ANKRD18B: variants seen among roughly 807,000 people sequenced by gnomAD.
ANKRD18B encodes the protein ankyrin repeat domain 18B, also known as ankyrin repeat domain-containing protein 18B.
In ANKRD18B, 75 loss-of-function variants were observed where a neutral mutation model predicts 111.8. The observed-to-expected ratio is 0.67, with a 90% confidence interval of 0.56 to 0.81. The LOEUF (loss-of-function observed/expected upper bound fraction) is 0.81, where lower values mean the gene tolerates loss of function less well. Ranked by LOEUF, ANKRD18B falls within the 40% of genes least tolerant of loss-of-function variation. ANKRD18B has a pLI of 0.00. For synonymous variants in ANKRD18B, 356 were observed against 417.3 expected, an observed-to-expected ratio of 0.85 and a Z score of 1.79; for missense variants, 1,038 against 1,225.5, an observed-to-expected ratio of 0.85 and a Z score of 2.28.
chr9:33,575,176 A>T (rs1828843857), downstream of ANKRD18B, among the ~76,000 whole-genome samples: 1 of 152,110 alleles, frequency 6.6e-6, no homozygotes, highest in Admixed American at 6.5e-5. Context: ...CAGCAATTCC[A>T]TTCTGCATCT....
intron 16 of ANKRD18B, among the ~76,000 whole-genome samples, chr9:33,568,456 A>G (rs1408772095): frequency 1.3e-5 from 2 of 152,252 alleles, no homozygotes; most frequent in African/African-American, 4.8e-5. Flanking sequence ...CTGCTTGTTC[A>G]GTAGAAATCA....
At chr9:33,525,686 CCT>C (rs1239646738) in intron 1 of ANKRD18B, among the ~76,000 whole-genome samples, 2 of 151,338 alleles carry the variant, frequency 1.3e-5, no homozygotes, top group Non-Finnish European at 2.9e-5. Flanking sequence ...ATTAAAATCC[CCT>C]GTGTATCAGA....
intron 3 of ANKRD18B, among the ~76,000 whole-genome samples, chr9:33,533,015 A>G (rs905619492): frequency 3.3e-5 from 5 of 152,310 alleles, no homozygotes; most frequent in Non-Finnish European, 7.4e-5. Flanking sequence ...ACACTTCTCT[A>G]GAGGTAATAA....
chr9:33,541,453 T>TTGCTC (rs1828278376), intron 9 of ANKRD18B, among the ~76,000 whole-genome samples: 1 of 152,118 alleles, frequency 6.6e-6, no homozygotes, highest in Non-Finnish European at 1.5e-5. Flanking sequence ...CTGTAATGAG[T>TTGCTC]CAGTGTTGGA....
rs1406092078 is a variant in ANKRD18B at position 33,572,689 on chromosome 9, T to C, written c.*255T>C. Reference sequence around the variant, plus strand: ...TTTAAACAGCCAAACAACCAAGTCATCATTGATACTGTAGTAAAGGTCATC... The same window carrying C: ...TTTAAACAGCCAAACAACCAAGTCACCATTGATACTGTAGTAAAGGTCATC... On this transcript the variant is annotated 3_prime_UTR_variant, in exon 19 of 19. Coordinates refer to ENST00000684830, the MANE Select transcript of ANKRD18B (RefSeq NM_001393611.1). 8.2e-6 allele frequency: 9 copies of C among 1,100,344 alleles called. No individual in the cohort carries two copies. Among genetic ancestry groups the C allele is most frequent in the Non-Finnish European group, 1.0e-5 (9 of 903,054 alleles). The allele number at this position is 1,100,344 out of a possible 1,614,324, so 68.2% of individuals were successfully genotyped here.
At chr9:33,564,211 C>T (rs1171776820) in intron 14 of ANKRD18B, among the ~76,000 whole-genome samples, 3 of 152,188 alleles carry the variant, frequency 2.0e-5, no homozygotes, top group Middle Eastern at 3.2e-3. Flanking sequence ...TCTCCTGCCT[C>T]GGTCTTTCAA....
At chr9:33,538,243 C>G (rs1271935226) in intron 6 of ANKRD18B, among the ~76,000 whole-genome samples, 2 of 152,178 alleles carry the variant, frequency 1.3e-5, no homozygotes, top group Non-Finnish European at 2.9e-5. Flanking sequence ...TTGAAGATAG[C>G]TACTGAATGC....
rs1275569056 is a variant in ANKRD18B at position 33,548,019 on chromosome 9, G to C, written c.1231G>C (p.Glu411Gln). ...GAGAGACATTGCCATGCTCAAAGAG[G>C]AATTATATGCAATAAAAAATGACAG... ...LKRDIAMLKE[E>Q]LYAIKNDSLR... The change falls in exon 11 of 19, where the codon GAA becomes CAA. Residue 411 changes from glutamate to glutamine, a missense_variant. Glu to Gln is a conservative substitution (Grantham distance 29). Around this residue, in one of 4 missense-constraint regions of ANKRD18B, gnomAD observed 205 missense variants for 201.3 expected, o/e 1.02. Coordinates refer to ENST00000684830, the MANE Select transcript of ANKRD18B (RefSeq NM_001393611.1). 7.9e-6 allele frequency: 12 copies of C among 1,520,012 alleles called. No individual in the cohort carries two copies. In the South Asian group the frequency reaches 1.6e-4, roughly 20 times the overall value. The allele number at this position is 1,520,012 out of a possible 1,614,324, so 94.2% of individuals were successfully genotyped here. A position where few individuals can be genotyped will look rare whatever the true frequency, so the allele number is the denominator to read the frequency against.
At chr9:33,554,750 C>T (rs138933853) in intron 12 of ANKRD18B, among the ~76,000 whole-genome samples, 1,586 of 152,186 alleles carry the variant, frequency 0.01, 27 homozygotes, top group African/African-American at 0.036. Context: ...TCAGACCCAG[C>T]GGACTCAACA....
At position 33,524,606 on chromosome 9, in the gene ANKRD18B, C is replaced by G; in HGVS notation, c.117C>G (p.His39Gln). The G allele has an allele frequency of 6.4e-7, 1 of 1,551,608 alleles. No individual in the cohort carries two copies. Among genetic ancestry groups the G allele is most frequent in the African/African-American group, 1.4e-5 (1 of 73,194 alleles). Reference protein sequence around the residue: ...HIRDWELRKIHRAAIKGDAAE... With the variant: ...HIRDWELRKIQRAAIKGDAAE... ...GGGACTGGGAACTGCGGAAGATCCACAGGGCGGCCATCAAGGGCGACGCCG... is the reference window on the plus strand; with the variant it reads ...GGGACTGGGAACTGCGGAAGATCCAGAGGGCGGCCATCAAGGGCGACGCCG... Residue 39 changes from histidine to glutamine, a missense_variant, in exon 1 of 19, where the codon CAC becomes CAG. His to Gln is a conservative substitution (Grantham distance 24). This residue lies in a region of ANKRD18B where 216 missense variants were observed against 205.1 expected (regional missense o/e 1.05). Transcript: ENST00000684830.
chr9:33,551,387 C>T (rs980823200), intron 12 of ANKRD18B, among the ~76,000 whole-genome samples: 1 of 152,200 alleles, frequency 6.6e-6, no homozygotes, highest in Non-Finnish European at 1.5e-5. Flanking sequence ...CATCTCTTAG[C>T]CATGACTGCA....
Position 33,533,549 on chromosome 9 carries a change from C to T in ANKRD18B, c.602+4C>T. ...ATGCCGTTGACAATTTCAAAAGGTG[C>T]AATAGTTTTTGTTTTCTGTTTTCTT... On this transcript the variant is annotated splice_donor_region_variant and intron_variant, in intron 4 of 18. Coordinates refer to ENST00000684830, the MANE Select transcript of ANKRD18B (RefSeq NM_001393611.1). 6.5e-7 allele frequency: 1 copy of T among 1,527,098 alleles called. No individual in the cohort carries two copies. 94.6% of individuals were successfully genotyped at this position (1,527,098 alleles called of 1,614,324 possible).
In ANKRD18B at chr9:33,547,955, A is replaced by C; in HGVS notation, c.1167A>C (p.Gly389=). 7.0e-7 allele frequency: 1 copy of C among 1,433,676 alleles called. No homozygotes were observed. Among genetic ancestry groups the C allele is most frequent in the Non-Finnish European group, 9.2e-7 (1 of 1,092,718 alleles). The allele number at this position is 1,433,676 out of a possible 1,614,324, so 88.8% of individuals were successfully genotyped here. A position where few individuals can be genotyped will look rare whatever the true frequency, so the allele number is the denominator to read the frequency against. ...NKQPQDSQSY[G]KKKDEMFGNF... ...TTATTTAGGATTCTCAAAGTTATGG[A>C]AAAAAGAAGGATGAGATGTTTGGAA... Residue 389 remains glycine (G), a synonymous_variant, in exon 11 of 19, where the codon GGA becomes GGC. Coordinates refer to ENST00000684830, the MANE Select transcript of ANKRD18B (RefSeq NM_001393611.1).
chr9:33,547,428 T>A (rs1828373088), intron 10 of ANKRD18B, among the ~76,000 whole-genome samples: 1 of 152,166 alleles, frequency 6.6e-6, no homozygotes, highest in Non-Finnish European at 1.5e-5. Flanking sequence ...TAAAAAATGT[T>A]GAGTCAAATC....
intron 17 of ANKRD18B, among the ~76,000 whole-genome samples, chr9:33,569,314 G>A (rs1828734640): frequency 7.3e-6 from 1 of 137,380 alleles, no homozygotes; most frequent in African/African-American, 2.8e-5. Context: ...GCCTAGGCTA[G>A]AGTGCAGTGG....
At chr9:33,539,918 G>A (rs559751375) in intron 7 of ANKRD18B, among the ~76,000 whole-genome samples, 160 bp from the exon 8 acceptor site, 4 of 149,480 alleles carry the variant, frequency 2.7e-5, no homozygotes, top group Admixed American at 1.3e-4. Flanking sequence ...TCCCTTCATG[G>A]TTGGCTACTT....
chr9:33,557,985 A>C, intron 13 of ANKRD18B, 73 bp from the exon 14 acceptor site: 1 of 1,321,170 alleles, frequency 7.6e-7, no homozygotes, highest in Non-Finnish European at 1.0e-6. Context: ...GCCATAACAT[A>C]GTATCTGTTT....
intron 8 of ANKRD18B, among the ~76,000 whole-genome samples, 174 bp downstream of exon 8, chr9:33,540,386 C>T (rs944725506): frequency 2.0e-5 from 3 of 152,182 alleles, no homozygotes; most frequent in Admixed American, 6.5e-5. Context: ...ACACCACATG[C>T]TCATTCCTAA....
intron 11 of ANKRD18B, among the ~76,000 whole-genome samples, chr9:33,549,925 C>G (rs1828422048): frequency 6.6e-6 from 1 of 152,080 alleles, no homozygotes; most frequent in Non-Finnish European, 1.5e-5. Context: ...TACAAAGATA[C>G]TTTTAGCTGT....
Sources: allele counts gnomAD v4.1 joint callset (sites outside exome capture counted in the v4.1 genomes callset), GRCh38; gene constraint gnomAD v4.1.1; regional missense constraint gnomAD v4.1.1; transcripts MANE v1.5; gene names NCBI Gene and HGNC (gene_info 2026-07-23, HGNC 2026-07-21).